The following CREB5 variants were observed in gnomAD, a reference collection of about 807,000 sequenced individuals.
The protein encoded by CREB5 is cyclic AMP-responsive element-binding protein 5.
Under a neutral mutation model 57.1 loss-of-function variants are expected in CREB5, and 19 were observed. The ratio of observed to expected loss-of-function variants is 0.33; its 90% CI spans 0.23 to 0.49. The LOEUF is 0.49. Ranked by LOEUF, CREB5 falls within the 20% of genes least tolerant of loss-of-function variation. CREB5 has a pLI of 0.99. For synonymous variants in CREB5, 238 were observed against 238.3 expected (o/e 1.00, Z 0.01); for missense variants, 579 against 671.6 (o/e 0.86, Z 1.52).
At chr7:28,355,654 A>T (rs1396490928) in intron 1 of CREB5, among the ~76,000 whole-genome samples, 1 of 152,194 alleles carries the variant, frequency 6.6e-6, no homozygotes, top group Non-Finnish European at 1.5e-5. Context: ...TGGTATTCGC[A>T]TGTACAGCAT....
intron 5 of CREB5, among the ~76,000 whole-genome samples, chr7:28,642,571 C>T (rs1032916656): frequency 3.9e-5 from 6 of 152,132 alleles, no homozygotes; most frequent in East Asian, 1.9e-4. Context: ...TGCTTTAATA[C>T]GATTTGCCAA....
At chr7:28,569,617 G>A (rs1795617559) in intron 4 of CREB5, among the ~76,000 whole-genome samples, 1 of 152,068 alleles carries the variant, frequency 6.6e-6, no homozygotes, top group Non-Finnish European at 1.5e-5. Flanking sequence ...GCCTACTATG[G>A]TCCAAGCACC....
intron 5 of CREB5, among the ~76,000 whole-genome samples, chr7:28,678,063 G>A (rs1800400549): frequency 6.6e-6 from 1 of 152,160 alleles, no homozygotes; most frequent in Non-Finnish European, 1.5e-5. Flanking sequence ...GAACACCTTG[G>A]ACATCATAAT....
intron 4 of CREB5, among the ~76,000 whole-genome samples, chr7:28,539,358 G>A (rs964511645): frequency 6.6e-6 from 1 of 152,074 alleles, no homozygotes; most frequent in African/African-American, 2.4e-5. Context: ...GCTCTTACTT[G>A]CTGCTAAACT....
chr7:28,550,772 A>G (rs776828468), intron 4 of CREB5, among the ~76,000 whole-genome samples: 19 of 152,224 alleles, frequency 1.2e-4, no homozygotes, highest in Non-Finnish European at 2.8e-4. Flanking sequence ...ACACTGTAAC[A>G]TTGTGGTGAA....
chr7:28,507,430 T>C (rs12333835), intron 3 of CREB5, among the ~76,000 whole-genome samples, 186 bp from the exon 4 acceptor site: 31,500 of 152,144 alleles, frequency 0.21, 3,686 homozygotes, highest in African/African-American at 0.31. Context: ...TCTACTGTAT[T>C]CCTGCTTCGG....
intron 7 of CREB5, among the ~76,000 whole-genome samples, chr7:28,788,071 A>G (rs1807439971): frequency 6.6e-6 from 1 of 152,160 alleles, no homozygotes. Flanking sequence ...TCATTTAGTC[A>G]TGGTTTAGTT....
At chr7:28,807,025 C>A (rs1411511559) in intron 8 of CREB5, among the ~76,000 whole-genome samples, 1 of 152,194 alleles carries the variant, frequency 6.6e-6, no homozygotes, top group East Asian at 1.9e-4. Context: ...AAGTGCTAAG[C>A]CCCTGCCAAT....
intron 5 of CREB5, among the ~76,000 whole-genome samples, chr7:28,580,059 G>GC (rs1322095025): frequency 6.6e-6 from 1 of 152,162 alleles, no homozygotes; most frequent in Non-Finnish European, 1.5e-5. Context: ...TGGGAGGGAA[G>GC]CCTACTGGAT....
chr7:28,373,371 A>T (rs190482721), intron 1 of CREB5, among the ~76,000 whole-genome samples: 8 of 152,266 alleles, frequency 5.3e-5, no homozygotes, highest in Admixed American at 5.2e-4. Context: ...ACATGTACAG[A>T]AGTGACAAAA....
At chr7:28,538,521 C>T (rs1275820990) in intron 4 of CREB5, among the ~76,000 whole-genome samples, 1 of 152,066 alleles carries the variant, frequency 6.6e-6, no homozygotes, top group Admixed American at 6.5e-5. Context: ...AGGGGTTGAT[C>T]AATTTTATTA....
intron 5 of CREB5, among the ~76,000 whole-genome samples, chr7:28,681,880 G>C (rs1340180629): frequency 6.6e-6 from 1 of 152,170 alleles, no homozygotes; most frequent in Non-Finnish European, 1.5e-5. Flanking sequence ...GGTTTAAGTG[G>C]TACAATGACT....
intron 1 of CREB5, among the ~76,000 whole-genome samples, chr7:28,401,683 A>G (rs1370331747): frequency 2.0e-5 from 3 of 152,042 alleles, no homozygotes; most frequent in African/African-American, 4.8e-5. Context: ...TGTCCTTGCG[A>G]TAGTTTGCTG....
intron 1 of CREB5, among the ~76,000 whole-genome samples, chr7:28,393,219 T>A (rs192451900): frequency 2.6e-5 from 4 of 152,286 alleles, no homozygotes; most frequent in Admixed American, 6.5e-5. Flanking sequence ...TGAGCCACCA[T>A]ATCCAGCCAT....
rs1179938783 is a variant in CREB5, at chr7:28,560,848, GTGTGTGTGTGCGTGTGCC to G, written c.292-9514_292-9497del. Reference sequence around the variant, plus strand: ...CGCGCGCGCGCGTGTGTGTGTGCGCGTGTGTGTGTGCGTGTGCCTGCGTGCGCGTGCGTGCGTGCGTGT... The same window carrying G: ...CGCGCGCGCGCGTGTGTGTGTGCGCGTGCGTGCGCGTGCGTGCGTGCGTGT... On this transcript the variant is annotated intron_variant, in intron 4 of 10. Transcript: ENST00000357727. Among the ~76,000 whole-genome samples, 31 of 84,294 alleles carry G rather than the reference GTGTGTGTGTGCGTGTGCC, an allele frequency of 3.7e-4. 3 individuals are homozygous for G. Among genetic ancestry groups the G allele is most frequent in the African/African-American group, 1.6e-3 (31 of 19,316 alleles). 55.3% of individuals were successfully genotyped at this position (84,294 alleles called of 152,430 possible).
chr7:28,500,500 T>C (rs1293409614), intron 3 of CREB5, among the ~76,000 whole-genome samples: 1 of 152,222 alleles, frequency 6.6e-6, no homozygotes, highest in Non-Finnish European at 1.5e-5. Context: ...CTAACATAAA[T>C]GACAATATAG....
chr7:28,352,080 T>C (rs1786200494), intron 1 of CREB5, among the ~76,000 whole-genome samples: 1 of 152,246 alleles, frequency 6.6e-6, no homozygotes, highest in South Asian at 2.1e-4. Flanking sequence ...TTTGAAGGCA[T>C]AGAGCTGCTA....
intron 1 of CREB5, among the ~76,000 whole-genome samples, chr7:28,379,521 C>T (rs912924741): frequency 2.0e-5 from 3 of 152,218 alleles, no homozygotes; most frequent in Non-Finnish European, 2.9e-5. Context: ...GCTTCCTCTG[C>T]TTAACTCTCA....
rs567361630 is a variant in CREB5, at chr7:28,386,326, T to C, written c.-25+86885T>C. ...TCTATGTAAAATTCTATGATGATCG[T>C]TCCTTTACACATTTTGTAGACTTCA... is the stretch of plus-strand genomic sequence containing the variant. On this transcript the variant is annotated intron_variant, in intron 1 of 9. Transcript: ENST00000396299. Among the ~76,000 whole-genome samples, 188 of 152,308 alleles carry C rather than the reference T, an allele frequency of 1.2e-3. 2 individuals carry two copies. The highest frequency in any genetic ancestry group is 4.3e-3 in the African/African-American group (180 of 41,566).
Sources: gnomAD v4.1 joint callset for allele counts (sites outside exome capture counted in the v4.1 genomes callset) on GRCh38, gnomAD v4.1.1 for gene constraint, MANE v1.5 for transcripts, NCBI Gene and HGNC (gene_info 2026-07-23, HGNC 2026-07-21) for gene names.